Variants in SH3BGR observed in about 807,000 individuals in gnomAD.
The protein encoded by SH3BGR is SH3 domain binding glutamate rich protein.
A neutral mutation model predicts 24.5 loss-of-function variants in SH3BGR; 29 were observed. That is an observed-to-expected ratio of 1.18 (90% CI 0.88 to 1.61). The LOEUF (loss-of-function observed/expected upper bound fraction) is 1.61. SH3BGR is among the 40% of genes most tolerant of loss of function. The pLI is 0.00. For missense variants in SH3BGR, 162 were observed against 205.8 expected, an observed-to-expected ratio of 0.79 and a Z score of 1.30; for synonymous variants, 55 against 65.7, an observed-to-expected ratio of 0.84 and a Z score of 0.79.
chr21:39,494,289 C>T (rs1404916789), intron 3 of SH3BGR, among the ~76,000 whole-genome samples: 1 of 150,074 alleles, frequency 6.7e-6, no homozygotes, highest in Non-Finnish European at 1.5e-5. Flanking sequence ...TTTGTGCTTA[C>T]CCAGACTTTT....
intron 1 of SH3BGR, among the ~76,000 whole-genome samples, chr21:39,457,779 C>A (rs2077686571): frequency 6.6e-6 from 1 of 151,676 alleles, no homozygotes; most frequent in African/African-American, 2.4e-5. Context: ...CAAAAATTAG[C>A]CAGACGTGGT....
At chr21:39,492,655 G>T (rs1405947396) in intron 3 of SH3BGR, among the ~76,000 whole-genome samples, 1 of 152,026 alleles carries the variant, frequency 6.6e-6, no homozygotes, top group Non-Finnish European at 1.5e-5. Flanking sequence ...GGGATTTCTG[G>T]ATCAAATGGT....
At chr21:39,450,150 A>G (rs1345450906), upstream of SH3BGR, among the ~76,000 whole-genome samples, 1 of 152,220 alleles carries the variant, frequency 6.6e-6, no homozygotes, top group Non-Finnish European at 1.5e-5. Flanking sequence ...GTGTGAAAAT[A>G]TATAATTGTA....
At position 39,509,271 on chromosome 21, in the gene SH3BGR, G is replaced by C. The variant is rs75974756; in HGVS notation, c.435+244G>C. Among the ~76,000 whole-genome samples the C allele has an allele frequency of 5.3e-5, 8 of 152,190 alleles. 1 individual carries two copies. In the South Asian group the frequency reaches 1.7e-3, roughly 32 times the overall value. On this transcript the variant is annotated intron_variant, in intron 5 of 6. Coordinates refer to ENST00000333634, the MANE Select transcript of SH3BGR (RefSeq NM_007341.3). ...CTGTTCGGAGCCCCCTCAGGTGAAGGTGTCTTCCGTGGTTTCTCACTGACA... is the reference window on the plus strand; with the variant it reads ...CTGTTCGGAGCCCCCTCAGGTGAAGCTGTCTTCCGTGGTTTCTCACTGACA...
intron 2 of SH3BGR, among the ~76,000 whole-genome samples, chr21:39,464,627 T>C (rs1287267450): frequency 1.3e-5 from 2 of 152,236 alleles, no homozygotes; most frequent in Non-Finnish European, 1.5e-5. Flanking sequence ...GTTAGCATTC[T>C]TCAGAGGCTT....
rs1315388015 is a variant in SH3BGR, at chr21:39,497,793, T to C, written c.313-2030T>C. 2.0e-5 allele frequency among the ~76,000 whole-genome samples: 3 copies of C among 152,220 alleles called. No individual in the cohort carries two copies. The East Asian group carries it at 5.8e-4, about 29-fold the overall frequency. On this transcript the variant is annotated intron_variant, in intron 3 of 6. Coordinates refer to ENST00000333634, the MANE Select transcript of SH3BGR (RefSeq NM_007341.3). ...AACCAAAAATGAAATTCTATTTTCT[T>C]CTCAACATATTGGTAAACATTAGAA...
In SH3BGR at chr21:39,492,298, T is replaced by C. The variant is rs577519012; in HGVS notation, c.313-7525T>C. ...TTCTTATGTCTTTGCGTCCTCATAG[T>C]TTAGCTCCCACTTTTGAGTGAGAAC... On this transcript the variant is annotated intron_variant, in intron 3 of 6. Transcript: ENST00000333634. Among the ~76,000 whole-genome samples the C allele has an allele frequency of 5.3e-5, 8 of 152,254 alleles. No individual in the cohort carries two copies. The East Asian group carries it at 1.5e-3, about 29-fold the overall frequency.
At chr21:39,491,360 G>T (rs982900694) in intron 3 of SH3BGR, among the ~76,000 whole-genome samples, 1 of 151,864 alleles carries the variant, frequency 6.6e-6, no homozygotes. Context: ...ACGTTGGCCA[G>T]ACTGGTCTTG....
chr21:39,492,148 C>T (rs759673108), intron 3 of SH3BGR, among the ~76,000 whole-genome samples: 2 of 151,998 alleles, frequency 1.3e-5, no homozygotes, highest in Non-Finnish European at 2.9e-5. Flanking sequence ...AGTTCTTTAG[C>T]GGTGATTTGT....
At chr21:39,496,828 A>T (rs183343958) in intron 3 of SH3BGR, among the ~76,000 whole-genome samples, 7 of 152,300 alleles carry the variant, frequency 4.6e-5, no homozygotes, top group African/African-American at 1.2e-4. Flanking sequence ...ACACTAACAA[A>T]TACTGAAGAA....
intron 2 of SH3BGR, among the ~76,000 whole-genome samples, chr21:39,469,403 T>C (rs1277443686): frequency 6.6e-6 from 1 of 151,820 alleles, no homozygotes; most frequent in East Asian, 1.9e-4. Flanking sequence ...GATCTCTCTA[T>C]ACTTATATCT....
chr21:39,478,191 A>G (rs1051577396), intron 3 of SH3BGR, among the ~76,000 whole-genome samples: 3 of 152,250 alleles, frequency 2.0e-5, no homozygotes, highest in Non-Finnish European at 2.9e-5. Context: ...GAAAGGTCAA[A>G]TAGTCCTACA....
chr21:39,450,898 A>G (rs1403252466), upstream of SH3BGR, among the ~76,000 whole-genome samples: 2 of 152,060 alleles, frequency 1.3e-5, no homozygotes, highest in East Asian at 3.9e-4. Context: ...CTCCTGGCTA[A>G]AGGGCTCAAG....
intron 1 of SH3BGR, among the ~76,000 whole-genome samples, chr21:39,454,034 G>A (rs954784303): frequency 6.6e-6 from 1 of 152,174 alleles, no homozygotes; most frequent in Non-Finnish European, 1.5e-5. Context: ...TTATTTAGTA[G>A]ATCAGGGTCT....
At chr21:39,463,666 G>A (rs2077793458) in intron 2 of SH3BGR, among the ~76,000 whole-genome samples, 1 of 152,134 alleles carries the variant, frequency 6.6e-6, no homozygotes, top group Non-Finnish European at 1.5e-5. Context: ...ATAAATGAAT[G>A]TCCACACTCA....
intron 4 of SH3BGR, among the ~76,000 whole-genome samples, chr21:39,501,806 G>GATATTT (rs71184683): frequency 6.6e-6 from 1 of 152,222 alleles, no homozygotes; most frequent in Non-Finnish European, 1.5e-5. Flanking sequence ...ACACCACTTA[G>GATATTT]ATATTTAGAA....
At chr21:39,453,834 G>C (rs1334740897) in intron 1 of SH3BGR, among the ~76,000 whole-genome samples, 1 of 152,172 alleles carries the variant, frequency 6.6e-6, no homozygotes, top group Non-Finnish European at 1.5e-5. Context: ...GATGTGCGTG[G>C]GTGCCCCGCA....
At chr21:39,479,238 G>GTGGTGATGGTGA (rs796734411) in intron 3 of SH3BGR, among the ~76,000 whole-genome samples, 1 of 144,478 alleles carries the variant, frequency 6.9e-6, no homozygotes, top group Admixed American at 6.8e-5. Context: ...GGTGGTGGTG[G>GTGGTGATGGTGA]TGGTGGTGGT....
intron 3 of SH3BGR, among the ~76,000 whole-genome samples, chr21:39,490,218 A>C (rs1400752861): frequency 1.3e-5 from 2 of 152,222 alleles, no homozygotes; most frequent in Non-Finnish European, 2.9e-5. Flanking sequence ...GGCAGAGCTG[A>C]GGAAAACAGA....
Sources: gnomAD v4.1 joint callset for allele counts (sites outside exome capture counted in the v4.1 genomes callset) on GRCh38, gnomAD v4.1.1 for gene constraint, MANE v1.5 for transcripts, NCBI Gene and HGNC (gene_info 2026-07-23, HGNC 2026-07-21) for gene names.